DNAJB6: variants seen among roughly 807,000 people sequenced by gnomAD.
DNAJB6 encodes dnaJ homolog subfamily B member 6.
DNAJB6 carries 16 observed loss-of-function variants against 42.7 expected under a neutral mutation model. The observed-to-expected ratio is 0.37, with a 90% CI of 0.25 to 0.57. The LOEUF (loss-of-function observed/expected upper bound fraction) is 0.57. Among genes scored for constraint, DNAJB6 ranks in the 20% least tolerant of loss-of-function variants. The pLI, the probability that DNAJB6 is intolerant of heterozygous loss-of-function variation, is 0.74. For synonymous variants in DNAJB6, 170 were observed against 163.5 expected (o/e 1.04, Z -0.30); for missense variants, 347 against 416.8 (o/e 0.83, Z 1.46).
intron 9 of DNAJB6, 66 bp downstream of exon 9, chr7:157,410,067 C>T: frequency 6.8e-7 from 1 of 1,469,654 alleles, no homozygotes; most frequent in East Asian, 2.5e-5. Flanking sequence ...CAGAGGACAG[C>T]GAGGACACAA....
chr7:157,342,787 G>C (rs1366443606), intron 1 of DNAJB6, among the ~76,000 whole-genome samples: 2 of 152,082 alleles, frequency 1.3e-5, no homozygotes, highest in Admixed American at 1.3e-4. Context: ...AGTTAAGCTT[G>C]GAAGTATCTA....
chr7:157,370,866 A>G (rs771428398), intron 5 of DNAJB6: 4 of 152,576 alleles, frequency 2.6e-5, no homozygotes, highest in Non-Finnish European at 4.4e-5. Flanking sequence ...CAGCCTGCTG[A>G]CGGTATGTTT....
At chr7:157,362,623 C>A (rs988230067) in intron 2 of DNAJB6, among the ~76,000 whole-genome samples, 2 of 152,190 alleles carry the variant, frequency 1.3e-5, no homozygotes, top group African/African-American at 2.4e-5. Flanking sequence ...ATCTGCCCAC[C>A]TCCCAAAGTG....
intron 8 of DNAJB6, among the ~76,000 whole-genome samples, chr7:157,389,915 G>T (rs1161079038): frequency 6.6e-6 from 1 of 152,208 alleles, no homozygotes; most frequent in Non-Finnish European, 1.5e-5. Flanking sequence ...GAGCTTTGTG[G>T]CCTGGGCAAG....
At chr7:157,353,584 G>T (rs1411530666) in intron 1 of DNAJB6, among the ~76,000 whole-genome samples, 1 of 93,264 alleles carries the variant, frequency 1.1e-5, no homozygotes, top group African/African-American at 4.7e-5. Context: ...TTTCTTGACC[G>T]GGGTGTGTGT....
chr7:157,407,631 T>C lies in DNAJB6; in HGVS notation c.692-2164T>C, dbSNP rs73747322. 7.8e-3 allele frequency among the ~76,000 whole-genome samples: 1,193 copies of C among 152,230 alleles called. 18 individuals are homozygous for C. The highest frequency in any genetic ancestry group is 0.027 in the African/African-American group (1,142 of 41,544). The stretch of plus-strand genomic sequence containing the variant: ...CCTGGGAGCACCTGTGCTGAGTCTC[T>C]CCTTGGTGTCCAAGGGGCTGGGATG... On this transcript the variant is annotated intron_variant, in intron 8 of 9. Transcript: ENST00000262177.
intron 1 of DNAJB6, among the ~76,000 whole-genome samples, chr7:157,350,649 A>G (rs552119373): frequency 3.3e-5 from 5 of 152,178 alleles, no homozygotes; most frequent in East Asian, 1.9e-4. Context: ...AAGACGCCCA[A>G]TATGGCACTT....
intron 8 of DNAJB6, among the ~76,000 whole-genome samples, chr7:157,396,704 T>C (rs887100474): frequency 6.6e-6 from 1 of 152,206 alleles, no homozygotes; most frequent in Non-Finnish European, 1.5e-5. Flanking sequence ...AAGGCTGTAA[T>C]TTCCGGCTTT....
rs57002445 is a variant in DNAJB6 at position 157,383,611 on chromosome 7, TTGTGTGTGTGTG to T, written c.479-1235_479-1224del. On this transcript the variant is annotated intron_variant, in intron 6 of 9. Coordinates refer to ENST00000262177, the MANE Select transcript of DNAJB6 (RefSeq NM_058246.4). ...TAATCAGTGGCTCCTGTATGTGTGTTTGTGTGTGTGTGTGTGTGTGTGTGTGTGTGTGGTGGG... is the reference window on the plus strand; with the variant it reads ...TAATCAGTGGCTCCTGTATGTGTGTTTGTGTGTGTGTGTGTGTGTGGTGGG... Among the ~76,000 whole-genome samples the T allele has an allele frequency of 3.4e-3, 512 of 149,678 alleles. 2 individuals carry two copies. Among genetic ancestry groups the T allele is most frequent in the African/African-American group, 0.011 (463 of 40,630 alleles).
chr7:157,368,558 C>T (rs1420474140), intron 5 of DNAJB6: 2 of 152,336 alleles, frequency 1.3e-5, no homozygotes, highest in Non-Finnish European at 2.9e-5. Context: ...AAATGGATTT[C>T]TCATCAGTGG....
intron 1 of DNAJB6, among the ~76,000 whole-genome samples, chr7:157,354,682 C>T (rs1023176673): frequency 1.3e-5 from 2 of 152,060 alleles, no homozygotes; most frequent in African/African-American, 2.4e-5. Flanking sequence ...GAGCACAGGG[C>T]AGGATGAAAT....
intron 1 of DNAJB6, among the ~76,000 whole-genome samples, chr7:157,347,089 T>G (rs990302019): frequency 2.2e-4 from 33 of 152,264 alleles, no homozygotes; most frequent in African/African-American, 7.5e-4. Context: ...TCTCCTGACC[T>G]CGTGATTCGC....
At chr7:157,369,304 A>G in intron 5 of DNAJB6, 1 of 456,766 alleles carries the variant, frequency 2.2e-6, no homozygotes, top group Non-Finnish European at 4.4e-6. Context: ...TCTGTCTTAA[A>G]AATGACCTTT....
chr7:157,363,912 G>GT (rs1230186598), intron 3 of DNAJB6, among the ~76,000 whole-genome samples: 1 of 152,052 alleles, frequency 6.6e-6, no homozygotes, highest in Non-Finnish European at 1.5e-5. Flanking sequence ...GGGGCCTGGG[G>GT]TGGGGGAACA....
Position 157,357,264 on chromosome 7 carries a change from G to A in DNAJB6, c.-26-1283G>A, listed in dbSNP as rs920604159. Among the ~76,000 whole-genome samples the A allele has an allele frequency of 2.6e-4, 10 of 38,152 alleles. 2 individuals are homozygous for A. Among genetic ancestry groups the A allele is most frequent in the African/African-American group, 7.5e-4 (9 of 12,046 alleles). The allele number at this position is 38,152 out of a possible 152,430, so 25.0% of individuals were successfully genotyped here. ...CTTCCTTCCTTCCTTCCTTCCTTCC[G>A]TCCTTCCTTCCGTCCTTCCTTCCGT... On this transcript the variant is annotated intron_variant, in intron 1 of 9. Coordinates refer to ENST00000262177, the MANE Select transcript of DNAJB6 (RefSeq NM_058246.4).
chr7:157,369,246 T>A, intron 5 of DNAJB6: 1 of 456,578 alleles, frequency 2.2e-6, no homozygotes, highest in South Asian at 1.5e-5. Context: ...TCATCAACCC[T>A]CACAGGCAAG....
intron 5 of DNAJB6, chr7:157,369,603 T>TTTCTCAACATTATTATTAAAC (rs1800018119): frequency 6.5e-6 from 2 of 310,070 alleles, no homozygotes; most frequent in African/African-American, 5.1e-5. Context: ...TATTATTAAA[T>TTTCTCAACATTATTATTAAAC]AGGCCCCTTC....
chr7:157,406,485 G>A (rs935969770), intron 8 of DNAJB6, among the ~76,000 whole-genome samples: 17 of 152,214 alleles, frequency 1.1e-4, no homozygotes, highest in Non-Finnish European at 1.6e-4. Flanking sequence ...CACCTGCCAC[G>A]TGTGCCAGCC....
chr7:157,373,385 C>G (rs1800314979), intron 5 of DNAJB6, among the ~76,000 whole-genome samples: 1 of 152,146 alleles, frequency 6.6e-6, no homozygotes, highest in Non-Finnish European at 1.5e-5. Context: ...GAGTTTTGCT[C>G]TGTCACCCAG....
Sources: allele counts gnomAD v4.1 joint callset (sites outside exome capture counted in the v4.1 genomes callset), GRCh38; gene constraint gnomAD v4.1.1; transcripts MANE v1.5; gene names NCBI Gene and HGNC (gene_info 2026-07-23, HGNC 2026-07-21).